The following OR2C1 variants were observed in gnomAD, a reference collection of about 807,000 sequenced individuals.
OR2C1 encodes the protein olfactory receptor 2C1.
For missense variants in OR2C1, 468 were observed against 388.3 expected (o/e 1.21, Z -1.73); for synonymous variants, 209 against 167.3 (o/e 1.25, Z -1.92).
At chr16:3,352,722 G>C (rs2030591243), upstream of OR2C1, among the ~76,000 whole-genome samples, 1 of 141,870 alleles carries the variant, frequency 7.0e-6, no homozygotes, top group Non-Finnish European at 1.5e-5. Context: ...GTGTCTTTCT[G>C]TCTGTTTCTT....
the OR2C1 span, among the ~76,000 whole-genome samples, chr16:3,333,210 CATTTTTTTTTTTT>C: frequency 1.2e-4 from 4 of 33,030 alleles, no homozygotes; most frequent in Admixed American, 3.4e-4. Context: ...ATCTTTTGCC[CATTTTTTTTTTTT>C]TTTTTTTTTT....
chr16:3,344,746 G>T, the OR2C1 span, among the ~76,000 whole-genome samples: 1,142 of 149,940 alleles, frequency 7.6e-3, 39 homozygotes, highest in East Asian at 0.11. Flanking sequence ...AATTTTTTTT[G>T]ATTATACTAA....
At position 3,357,056 on chromosome 16, in the gene OR2C1, T is replaced by C. The variant is rs1307606649; in HGVS notation, c.*177T>C. ...ACATGGTTAGTGTTATTCGTAATGT[T>C]CTACACTTATTTACCAAAAATCCTA... is the stretch of plus-strand genomic sequence containing the variant. On this transcript the variant is annotated 3_prime_UTR_variant, in exon 1 of 1. Coordinates refer to ENST00000304936, the MANE Select transcript of OR2C1 (RefSeq NM_012368.3). The C allele has an allele frequency of 9.8e-6, 6 of 609,968 alleles. No homozygotes were observed. The highest frequency in any genetic ancestry group is 5.6e-5 in the African/African-American group (3 of 53,818). 37.8% of individuals were successfully genotyped at this position (609,968 alleles called of 1,614,324 possible).
At chr16:3,353,808 GAGAA>G (rs1241153446), upstream of OR2C1, among the ~76,000 whole-genome samples, 4 of 148,936 alleles carry the variant, frequency 2.7e-5, no homozygotes, top group African/African-American at 1.0e-4. Context: ...CTCAAAAAAA[GAGAA>G]AGAAGGAAGG....
At chr16:3,324,700 G>A in the OR2C1 span, among the ~76,000 whole-genome samples, 5 of 152,042 alleles carry the variant, frequency 3.3e-5, no homozygotes, top group African/African-American at 4.8e-5. Flanking sequence ...TGATCCTCCT[G>A]CCTAAACCTC....
chr16:3,356,654 C>T lies in OR2C1; in HGVS notation c.714C>T (p.Phe238=), dbSNP rs777520548. Residue 238 remains phenylalanine (F), a synonymous_variant, in exon 1 of 1, where the codon TTC becomes TTT. Coordinates refer to ENST00000304936, the MANE Select transcript of OR2C1 (RefSeq NM_012368.3). ...IRSAEGRRKA[F]NTCLSHLLVV... is the part of the protein sequence containing the mutation. ...CTGCAGAGGGGAGGCGAAAGGCGTT[C>T]AATACGTGCCTCTCCCATCTGCTGG... The T allele has an allele frequency of 2.5e-6, 4 of 1,614,134 alleles. No individual in the cohort carries two copies. The East Asian group carries it at 6.7e-5, about 27-fold the overall frequency.
rs1361830785 is a variant in OR2C1 at position 3,356,538 on chromosome 16, A to G, written c.598A>G (p.Asn200Asp). ...CACAAGTCTCAACCAGGCTGTGCTC[A>G]ATGGTGTCTGCACCTTCTTCACTGC... Reference protein sequence around the residue: ...GDTSLNQAVLNGVCTFFTAVP... With the variant: ...GDTSLNQAVLDGVCTFFTAVP... Residue 200 changes from asparagine (N) to aspartate (D), a missense_variant, in exon 1 of 1, where the codon AAT (asparagine) becomes GAT (aspartate). Physicochemically the swap from Asn to Asp is conservative, Grantham distance 23. Transcript: ENST00000304936. 6.2e-7 allele frequency: 1 copy of G among 1,614,136 alleles called. No individual in the cohort carries two copies. The highest frequency in any genetic ancestry group is 8.5e-7 in the Non-Finnish European group (1 of 1,180,034).
the OR2C1 span, among the ~76,000 whole-genome samples, chr16:3,330,352 G>A: frequency 3.3e-5 from 5 of 151,694 alleles, no homozygotes; most frequent in African/African-American, 1.2e-4. Flanking sequence ...TCCTGACCTC[G>A]TGATCCACCC....
At chr16:3,353,384 G>A (rs1596414073), upstream of OR2C1, among the ~76,000 whole-genome samples, 1 of 150,746 alleles carries the variant, frequency 6.6e-6, no homozygotes. Context: ...CCAGCTACTT[G>A]AGAGGCTGAG....
chr16:3,352,529 A>C (rs1406261858), upstream of OR2C1, among the ~76,000 whole-genome samples: 1 of 152,178 alleles, frequency 6.6e-6, no homozygotes, highest in Non-Finnish European at 1.5e-5. Flanking sequence ...GTAATAATTT[A>C]CATAAATTTA....
the OR2C1 span, among the ~76,000 whole-genome samples, chr16:3,335,520 C>CTTTTTTTTTTTTTTTTTTTTTTTTTTT: frequency 1.8e-5 from 1 of 55,410 alleles, no homozygotes; most frequent in Non-Finnish European, 3.1e-5. Context: ...AATGCTACTG[C>CTTTTTTTTTTTTTTTTTTTTTTTTTTT]TTTTTTTTTT....
the OR2C1 span, among the ~76,000 whole-genome samples, chr16:3,346,332 G>A: frequency 1.4e-4 from 21 of 152,212 alleles, no homozygotes; most frequent in Non-Finnish European, 2.5e-4. Context: ...TAAATAAATA[G>A]GAAAAGGTAA....
the OR2C1 span, among the ~76,000 whole-genome samples, chr16:3,337,304 G>A: frequency 6.6e-6 from 1 of 151,726 alleles, no homozygotes; most frequent in East Asian, 1.9e-4. Flanking sequence ...ACCAGTGAGG[G>A]CCACCATGCC....
the OR2C1 span, among the ~76,000 whole-genome samples, chr16:3,326,006 A>C: frequency 0.85 from 128,006 of 149,820 alleles, 54,754 homozygotes; most frequent in South Asian, 0.96. Context: ...TCTCGGCTCA[A>C]TGCAAGCTCT....
At chr16:3,323,412 C>T in the OR2C1 span, 4 of 776,998 alleles carry the variant, frequency 5.1e-6, no homozygotes, top group East Asian at 2.4e-5. Flanking sequence ...TCCTCAATCA[C>T]TGTGTTGTCT....
chr16:3,340,892 C>T, the OR2C1 span, among the ~76,000 whole-genome samples: 3,772 of 151,730 alleles, frequency 0.025, 69 homozygotes, highest in Non-Finnish European at 0.039. Flanking sequence ...CAGTGTGACT[C>T]CTCCCACTTT....
the OR2C1 span, among the ~76,000 whole-genome samples, chr16:3,327,029 A>G: frequency 6.6e-6 from 1 of 152,198 alleles, no homozygotes; most frequent in Non-Finnish European, 1.5e-5. Flanking sequence ...TGTAACCGAA[A>G]TAATTCTAAT....
chr16:3,347,401 A>T, the OR2C1 span, among the ~76,000 whole-genome samples: 2 of 151,830 alleles, frequency 1.3e-5, no homozygotes, highest in Non-Finnish European at 2.9e-5. Flanking sequence ...TCTCTAATTA[A>T]ATTAAACTAA....
rs202058705 is a variant in OR2C1, at chr16:3,356,643, C to T, written c.703C>T (p.Arg235Ter). Residue 235 changes from arginine to a stop codon, truncating the protein, a stop_gained, in exon 1 of 1, where the codon CGA becomes TGA. Transcript: ENST00000304936. LOFTEE classifies it low-confidence loss of function (END_TRUNC). The stretch of plus-strand genomic sequence containing the variant: ...GAAAATCCGCTCTGCAGAGGGGAGG[C>T]GAAAGGCGTTCAATACGTGCCTCTC... ...VLKIRSAEGR[R>*]KAFNTCLSHL... The T allele has an allele frequency of 9.4e-5, 152 of 1,613,922 alleles. 1 individual carries two copies. Among genetic ancestry groups the T allele is most frequent in the South Asian group, 6.1e-4 (56 of 91,080 alleles).
Sources: gnomAD v4.1 joint callset for allele counts (sites outside exome capture counted in the v4.1 genomes callset) on GRCh38, gnomAD v4.1.1 for gene constraint, MANE v1.5 for transcripts, NCBI Gene and HGNC (gene_info 2026-07-23, HGNC 2026-07-21) for gene names.